Variants in ARK2N observed in about 807,000 individuals in gnomAD.
ARK2N encodes arkadia (RNF111) N-terminal like PKA signaling regulator 2N, also known as protein ARK2N.
the ARK2N span, among the ~76,000 whole-genome samples, chr18:46,184,783 T>C: frequency 6.6e-6 from 1 of 152,038 alleles, no homozygotes; most frequent in Non-Finnish European, 1.5e-5. Flanking sequence ...TGCAATGGAG[T>C]CTCTTCATAG....
the ARK2N span, among the ~76,000 whole-genome samples, chr18:46,180,715 C>A: frequency 1.1e-3 from 171 of 149,622 alleles, 1 homozygote; most frequent in Non-Finnish European, 2.0e-3. Flanking sequence ...AAAAAAAAAA[C>A]AACAATAAAA....
chr18:46,238,968 A>G, the ARK2N span, among the ~76,000 whole-genome samples: 1 of 152,164 alleles, frequency 6.6e-6, no homozygotes, highest in South Asian at 2.1e-4. Context: ...CTTGCGCTTC[A>G]TAAATAGCCT....
At chr18:46,232,027 AC>A in the ARK2N span, 10 of 152,230 alleles carry the variant, frequency 6.6e-5, no homozygotes, top group Non-Finnish European at 1.5e-4. Flanking sequence ...GAGTGCTGCC[AC>A]AGCGCTCAGT....
chr18:46,237,497 C>G, the ARK2N span, among the ~76,000 whole-genome samples: 1 of 151,198 alleles, frequency 6.6e-6, no homozygotes, highest in Non-Finnish European at 1.5e-5. Flanking sequence ...AAGTGATTCT[C>G]GTGCCTCAGC....
the ARK2N span, among the ~76,000 whole-genome samples, chr18:46,207,246 A>G: frequency 1.3e-5 from 2 of 152,126 alleles, no homozygotes; most frequent in Non-Finnish European, 2.9e-5. Flanking sequence ...GGACTAGTAT[A>G]TTTTTATTTC....
chr18:46,213,071 G>A, the ARK2N span, among the ~76,000 whole-genome samples: 11 of 137,548 alleles, frequency 8.0e-5, no homozygotes, highest in Non-Finnish European at 7.6e-5. Flanking sequence ...GCGGGACCTC[G>A]GCTCACTGCA....
the ARK2N span, among the ~76,000 whole-genome samples, chr18:46,262,094 T>C: frequency 4.6e-5 from 7 of 152,234 alleles, no homozygotes; most frequent in African/African-American, 1.7e-4. Context: ...TGAGAGGACA[T>C]AGCATTGATC....
the ARK2N span, among the ~76,000 whole-genome samples, chr18:46,237,876 A>G: frequency 5.3e-5 from 8 of 152,226 alleles, no homozygotes; most frequent in Non-Finnish European, 8.8e-5. Flanking sequence ...AAAATGAAAA[A>G]TGACAGTGAT....
chr18:46,243,657 T>C, the ARK2N span, among the ~76,000 whole-genome samples: 8 of 152,322 alleles, frequency 5.3e-5, no homozygotes, highest in Non-Finnish European at 1.2e-4. Flanking sequence ...TCTTGCCATG[T>C]GTTTGCTTTT....
the ARK2N span, among the ~76,000 whole-genome samples, chr18:46,201,779 CTT>C: frequency 1.5e-4 from 20 of 135,704 alleles, no homozygotes; most frequent in Non-Finnish European, 1.7e-4. Flanking sequence ...CTTTTCTTTT[CTT>C]TTTTTTTTTT....
chr18:46,232,074 T>A, the ARK2N span: 1 of 152,190 alleles, frequency 6.6e-6, no homozygotes, highest in Admixed American at 6.5e-5. Flanking sequence ...GCAGAATGAT[T>A]TAAAGTGTAT....
the ARK2N span, among the ~76,000 whole-genome samples, chr18:46,213,941 C>T: frequency 1.3e-5 from 2 of 152,186 alleles, no homozygotes; most frequent in African/African-American, 4.8e-5. Context: ...AGGTGATCCA[C>T]TTGCCTCCAC....
the ARK2N span, among the ~76,000 whole-genome samples, chr18:46,246,740 C>T: frequency 6.6e-6 from 1 of 151,922 alleles, no homozygotes; most frequent in African/African-American, 2.4e-5. Context: ...GTCAGGAGTT[C>T]GAGACCAGCC....
At chr18:46,239,955 T>G in the ARK2N span, 2 of 1,560,390 alleles carry the variant, frequency 1.3e-6, no homozygotes, top group South Asian at 2.3e-5. Context: ...TTCAGAAGTA[T>G]TTTTCACCCC....
chr18:46,239,333 C>T, the ARK2N span, among the ~76,000 whole-genome samples: 1 of 152,096 alleles, frequency 6.6e-6, no homozygotes, highest in Non-Finnish European at 1.5e-5. Flanking sequence ...AGCTGGTTGT[C>T]TTTCTTAAGG....
chr18:46,208,749 G>A, the ARK2N span, among the ~76,000 whole-genome samples: 1 of 152,146 alleles, frequency 6.6e-6, no homozygotes, highest in African/African-American at 2.4e-5. Context: ...TTACAGGCGT[G>A]AGCCACCATG....
chr18:46,250,843 C>A, the ARK2N span, among the ~76,000 whole-genome samples: 1 of 152,104 alleles, frequency 6.6e-6, no homozygotes, highest in Non-Finnish European at 1.5e-5. Flanking sequence ...AACTTTTATA[C>A]CTTAAAGGAC....
the ARK2N span, among the ~76,000 whole-genome samples, chr18:46,222,564 CTTATT>C: frequency 2.0e-5 from 3 of 152,078 alleles, no homozygotes; most frequent in African/African-American, 7.2e-5. Flanking sequence ...TTTTGGCCTG[CTTATT>C]TTCTGAAGTG....
At chr18:46,261,610 C>T in the ARK2N span, among the ~76,000 whole-genome samples, 1 of 152,096 alleles carries the variant, frequency 6.6e-6, no homozygotes, top group African/African-American at 2.4e-5. Context: ...CTTTATGTCC[C>T]TTATTTTAAT....
Sources: gnomAD v4.1 joint callset for allele counts (sites outside exome capture counted in the v4.1 genomes callset) on GRCh38, gnomAD v4.1.1 for gene constraint, MANE v1.5 for transcripts, NCBI Gene and HGNC (gene_info 2026-07-23, HGNC 2026-07-21) for gene names.